Variants in SLC38A6 observed in about 807,000 individuals in gnomAD.
SLC38A6 encodes N system amino acid transporter NAT-1.
A neutral mutation model predicts 65.0 loss-of-function variants in SLC38A6; 73 were observed. That is an observed-to-expected ratio of 1.12 (90% CI 0.93 to 1.37). SLC38A6 has a LOEUF of 1.37. SLC38A6 is among the 40% of genes most tolerant of loss of function. The pLI, the probability that SLC38A6 is intolerant of heterozygous loss-of-function variation, is 0.00. For missense variants in SLC38A6, 561 were observed against 531.1 expected (o/e 1.06, Z -0.55); for synonymous variants, 183 against 178.8 (o/e 1.02, Z -0.19).
chr14:61,083,490 G>T, intron 16 of SLC38A6: 2 of 1,511,954 alleles, frequency 1.3e-6, no homozygotes, highest in South Asian at 2.6e-5. Context: ...CTTTAAAGAA[G>T]TAATTAAATT....
intron 8 of SLC38A6, among the ~76,000 whole-genome samples, chr14:61,038,989 T>G (rs1442369298): frequency 6.6e-6 from 1 of 152,180 alleles, no homozygotes; most frequent in Non-Finnish European, 1.5e-5. Context: ...CATATGCAAA[T>G]GAATGTATGG....
intron 2 of SLC38A6, among the ~76,000 whole-genome samples, chr14:60,984,412 A>G (rs899786428): frequency 2.0e-5 from 3 of 152,132 alleles, no homozygotes; most frequent in Non-Finnish European, 4.4e-5. Context: ...ATAAAAAGGA[A>G]ATATTACAAG....
At chr14:61,010,595 A>C (rs1007541565) in intron 3 of SLC38A6, among the ~76,000 whole-genome samples, 1 of 152,214 alleles carries the variant, frequency 6.6e-6, no homozygotes, top group African/African-American at 2.4e-5. Context: ...TCACCTTTCT[A>C]CATATGGCTA....
intron 3 of SLC38A6, among the ~76,000 whole-genome samples, chr14:60,998,863 C>T (rs2038484711): frequency 6.6e-6 from 1 of 152,118 alleles, no homozygotes; most frequent in South Asian, 2.1e-4. Context: ...GTCGCAGGCC[C>T]TGCCCTTCGT....
At chr14:60,986,196 G>A (rs2037437461) in intron 3 of SLC38A6, among the ~76,000 whole-genome samples, 1 of 152,236 alleles carries the variant, frequency 6.6e-6, no homozygotes, top group South Asian at 2.1e-4. Context: ...TAATTCTGAA[G>A]CCACTGCTCT....
Position 61,051,839 on chromosome 14 carries a change from T to G in SLC38A6, c.1103T>G (p.Ile368Ser), listed in dbSNP as rs1216404732. 6.2e-7 allele frequency: 1 copy of G among 1,612,666 alleles called. No homozygotes were observed. Among genetic ancestry groups the G allele is most frequent in the East Asian group, 2.2e-5 (1 of 44,762 alleles). Residue 368 changes from isoleucine (I) to serine (S), a missense_variant, in exon 14 of 16, where the codon ATT (isoleucine) becomes AGT (serine). Ile to Ser is a moderately radical substitution (Grantham distance 142). Coordinates refer to ENST00000267488, the MANE Select transcript of SLC38A6 (RefSeq NM_153811.3). ...TTCTCCAATTTTCCATTCTCATGGA[T>G]TCGCCATTTTTTGATCACTCTAGCA... ...MFFSNFPFSW[I>S]RHFLITLALN...
intron 5 of SLC38A6, among the ~76,000 whole-genome samples, chr14:61,025,620 A>G (rs1248837343): frequency 2.0e-5 from 3 of 152,158 alleles, no homozygotes; most frequent in Admixed American, 6.6e-5. Flanking sequence ...ATTTCTATTG[A>G]AAATTATAAA....
At chr14:61,077,131 A>G (rs2043447242) in intron 15 of SLC38A6, among the ~76,000 whole-genome samples, 1 of 152,208 alleles carries the variant, frequency 6.6e-6, no homozygotes, top group Admixed American at 6.5e-5. Context: ...GCCACTTTCA[A>G]TATAAAAAAT....
At chr14:60,987,536 A>G (rs1288634931) in intron 3 of SLC38A6, 1 of 152,212 alleles carries the variant, frequency 6.6e-6, no homozygotes, top group Non-Finnish European at 1.5e-5. Context: ...CAATGATAAC[A>G]CTTCCTTCTT....
chr14:61,007,905 G>A (rs905454301), intron 3 of SLC38A6, among the ~76,000 whole-genome samples: 1 of 151,934 alleles, frequency 6.6e-6, no homozygotes, highest in Non-Finnish European at 1.5e-5. Context: ...TTAAAGATTT[G>A]TTGATTAAAA....
intron 3 of SLC38A6, among the ~76,000 whole-genome samples, chr14:60,993,762 C>G (rs2038075050): frequency 6.6e-6 from 1 of 152,188 alleles, no homozygotes; most frequent in African/African-American, 2.4e-5. Flanking sequence ...TGTATTTAGT[C>G]TTTTAATGCA....
At chr14:61,082,000 C>A (rs1008176889) in intron 16 of SLC38A6, among the ~76,000 whole-genome samples, 1 of 152,116 alleles carries the variant, frequency 6.6e-6, no homozygotes, top group Non-Finnish European at 1.5e-5. Flanking sequence ...TGGGAGTGCA[C>A]AGCAGTGCTG....
intron 4 of SLC38A6, among the ~76,000 whole-genome samples, chr14:61,019,148 A>G (rs1360911592): frequency 6.6e-6 from 1 of 152,214 alleles, no homozygotes; most frequent in Non-Finnish European, 1.5e-5. Context: ...GCAATATAGC[A>G]TTGGCATAGC....
intron 5 of SLC38A6, among the ~76,000 whole-genome samples, chr14:61,026,134 A>C (rs747380459): frequency 1.3e-5 from 2 of 152,162 alleles, no homozygotes; most frequent in Admixed American, 1.3e-4. Flanking sequence ...CCAAACTCCA[A>C]TTAGGGTTGG....
chr14:61,007,262 A>G lies in SLC38A6; in HGVS notation c.311-8642A>G, dbSNP rs549707883. On this transcript the variant is annotated intron_variant, in intron 3 of 15. Coordinates refer to ENST00000267488, the MANE Select transcript of SLC38A6 (RefSeq NM_153811.3). ...TGGGTGCAGCACACCAGCGTGGCAC[A>G]TGTATACATATGTATCTAACCTTCA... Among the ~76,000 whole-genome samples the G allele has an allele frequency of 2.0e-5, 3 of 152,228 alleles. No individual in the cohort carries two copies. The South Asian group carries it at 6.2e-4, about 32-fold the overall frequency.
intron 15 of SLC38A6, among the ~76,000 whole-genome samples, chr14:61,065,098 T>A (rs2042979493): frequency 6.6e-6 from 1 of 152,244 alleles, no homozygotes; most frequent in East Asian, 1.9e-4. Flanking sequence ...ACCCAAGGTC[T>A]GGAAATCTTT....
At chr14:60,990,573 A>G (rs2037789406) in intron 3 of SLC38A6, among the ~76,000 whole-genome samples, 1 of 151,902 alleles carries the variant, frequency 6.6e-6, no homozygotes, top group African/African-American at 2.4e-5. Flanking sequence ...GTTATTCTGT[A>G]TCTCCCCTTT....
intron 15 of SLC38A6, among the ~76,000 whole-genome samples, chr14:61,077,164 G>A (rs1424794800): frequency 6.6e-6 from 1 of 152,146 alleles, no homozygotes; most frequent in African/African-American, 2.4e-5. Context: ...TAACCTTTGT[G>A]AAAAACTTGC....
intron 5 of SLC38A6, among the ~76,000 whole-genome samples, chr14:61,028,576 A>G (rs570056832): frequency 7.2e-5 from 11 of 152,306 alleles, no homozygotes; most frequent in African/African-American, 2.6e-4. Flanking sequence ...TTACGAGAAT[A>G]TGAACAATAC....
Sources: allele counts gnomAD v4.1 joint callset (sites outside exome capture counted in the v4.1 genomes callset), GRCh38; gene constraint gnomAD v4.1.1; transcripts MANE v1.5; gene names NCBI Gene and HGNC (gene_info 2026-07-23, HGNC 2026-07-21).